The following FRYL variants were observed in gnomAD, a reference collection of about 807,000 sequenced individuals.
The protein encoded by FRYL is protein furry homolog-like.
A neutral mutation model predicts 351.2 loss-of-function variants in FRYL; 150 were observed. The observed-to-expected ratio is 0.43, with a 90% CI of 0.37 to 0.49. FRYL has a LOEUF of 0.49. FRYL is among the 20% of genes least tolerant of loss of function. The pLI is 0.00. For missense variants in FRYL, 3,036 were observed against 3,619.3 expected, an observed-to-expected ratio of 0.84 and a Z score of 4.13; for synonymous variants, 1,153 against 1,257.1, an observed-to-expected ratio of 0.92 and a Z score of 1.75.
At chr4:48,622,692 T>G (rs534997172) in intron 5 of FRYL, among the ~76,000 whole-genome samples, 3 of 152,192 alleles carry the variant, frequency 2.0e-5, no homozygotes, top group Non-Finnish European at 4.4e-5. Flanking sequence ...ACAAAATTGA[T>G]CCAACATTTA....
At chr4:48,767,861 G>A (rs1455447335) in intron 1 of FRYL, among the ~76,000 whole-genome samples, 1 of 152,178 alleles carries the variant, frequency 6.6e-6, no homozygotes, top group Admixed American at 6.6e-5. Flanking sequence ...TCTCCAGTCT[G>A]TAGAGTATCC....
At chr4:48,656,317 CATAATATATACTAAATATATTAT>C (rs1448536720) in intron 3 of FRYL, among the ~76,000 whole-genome samples, 3,235 of 53,904 alleles carry the variant, frequency 0.06, 93 homozygotes, top group Admixed American at 0.13. Flanking sequence ...TTATATATTA[CATAATATATACTAAATATATTAT>C]ATAATATATA....
intron 4 of FRYL, among the ~76,000 whole-genome samples, chr4:48,632,464 A>T (rs1578439397): frequency 2.0e-5 from 3 of 150,838 alleles, no homozygotes; most frequent in Admixed American, 1.3e-4. Context: ...TAGTTTAAGC[A>T]TATCTATAAT....
intron 7 of FRYL, among the ~76,000 whole-genome samples, chr4:48,613,078 T>C (rs1748579857): frequency 6.6e-6 from 1 of 152,236 alleles, no homozygotes; most frequent in Non-Finnish European, 1.5e-5. Flanking sequence ...TATTCACATA[T>C]ACATAATGAA....
chr4:48,530,164 C>T (rs546283629), intron 50 of FRYL, among the ~76,000 whole-genome samples: 1 of 152,094 alleles, frequency 6.6e-6, no homozygotes, highest in East Asian at 1.9e-4. Flanking sequence ...GAACTCATTG[C>T]CCCCTCTCCT....
At chr4:48,568,104 A>G (rs1258013428) in intron 27 of FRYL, among the ~76,000 whole-genome samples, 1 of 152,216 alleles carries the variant, frequency 6.6e-6, no homozygotes, top group Non-Finnish European at 1.5e-5. Flanking sequence ...ATCTCTACAA[A>G]AAATACAAAA....
intron 7 of FRYL, among the ~76,000 whole-genome samples, chr4:48,612,285 G>A (rs559453471): frequency 3.3e-5 from 5 of 151,000 alleles, no homozygotes; most frequent in African/African-American, 4.9e-5. Flanking sequence ...TATTTTCTTC[G>A]AGGCATCCAT....
At chr4:48,758,423 T>C (rs1578945758) in intron 1 of FRYL, among the ~76,000 whole-genome samples, 1 of 152,066 alleles carries the variant, frequency 6.6e-6, no homozygotes, top group East Asian at 1.9e-4. Flanking sequence ...GGGCAAAGGA[T>C]ATGAACAGAC....
chr4:48,615,508 C>T (rs1356569465), intron 7 of FRYL, among the ~76,000 whole-genome samples: 1 of 152,148 alleles, frequency 6.6e-6, no homozygotes, highest in South Asian at 2.1e-4. Flanking sequence ...AAGAGTATTG[C>T]TTCAAACTTT....
Position 48,549,750 on chromosome 4 carries a change from CA to C in FRYL, c.4634-128del. The C allele has an allele frequency of 1.4e-6, 1 of 704,906 alleles. No individual in the cohort carries two copies. The highest frequency in any genetic ancestry group is 2.2e-6 in the Non-Finnish European group (1 of 447,022). The allele number at this position is 704,906 out of a possible 1,614,324, so 43.7% of individuals were successfully genotyped here. Reference sequence around the variant, plus strand: ...TAAAAAAAATTTCCCACTATTTCAACATGTTTGCTAGGAAAATCTAGGCACA... The same window carrying C: ...TAAAAAAAATTTCCCACTATTTCAACTGTTTGCTAGGAAAATCTAGGCACA... On this transcript the variant is annotated intron_variant, in intron 38 of 63. Coordinates refer to ENST00000358350, the MANE Select transcript of FRYL (RefSeq NM_015030.2). The surrounding 1 kb of genome is among the most constrained non-coding windows in gnomAD (Gnocchi z 4.2).
intron 3 of FRYL, among the ~76,000 whole-genome samples, chr4:48,674,547 C>T (rs186383697): frequency 2.3e-3 from 350 of 151,832 alleles, no homozygotes; most frequent in African/African-American, 8.1e-3. Context: ...ACCATCCTGG[C>T]GAACACGGTG....
chr4:48,633,912 C>G (rs1208016688), intron 4 of FRYL, among the ~76,000 whole-genome samples: 3 of 152,138 alleles, frequency 2.0e-5, no homozygotes, highest in Admixed American at 1.3e-4. Context: ...CTCTTCCCTC[C>G]TCCTCATCAT....
chr4:48,602,816 A>AT (rs1281377144), intron 12 of FRYL, among the ~76,000 whole-genome samples: 3 of 152,208 alleles, frequency 2.0e-5, no homozygotes, highest in Non-Finnish European at 4.4e-5. Context: ...AGGTTACAAC[A>AT]TATTTTTACT....
At chr4:48,572,050 A>T in intron 26 of FRYL, 1 of 931,654 alleles carries the variant, frequency 1.1e-6, no homozygotes. Flanking sequence ...ACAGTGCTGA[A>T]TTAAAGGAGA....
intron 18 of FRYL, among the ~76,000 whole-genome samples, chr4:48,587,105 T>G (rs1278546751): frequency 6.6e-6 from 1 of 152,010 alleles, no homozygotes. Flanking sequence ...ATTAAATAAC[T>G]AAATACTGGT....
At chr4:48,588,223 G>A (rs979417434) in intron 18 of FRYL, among the ~76,000 whole-genome samples, 2 of 152,156 alleles carry the variant, frequency 1.3e-5, no homozygotes, top group Non-Finnish European at 2.9e-5. Context: ...TCAAAAGAGG[G>A]TATTGGCTAA....
Position 48,552,160 on chromosome 4 carries a change from C to A in FRYL, c.4436-582G>T, listed in dbSNP as rs1009079184. Among the ~76,000 whole-genome samples, 9 of 152,164 alleles carry A rather than the reference C, an allele frequency of 5.9e-5. No individual in the cohort carries two copies. In the South Asian group the frequency reaches 1.0e-3, roughly 18 times the overall value. ...GCTAAAATTTGAGACTGCACCCCCC[C>A]CAACATCCTTCTTACCCCACTGGGC... On this transcript the variant is annotated intron_variant, in intron 36 of 63. Coordinates refer to ENST00000358350, the MANE Select transcript of FRYL (RefSeq NM_015030.2).
chr4:48,601,575 C>G (rs553975793), intron 13 of FRYL, among the ~76,000 whole-genome samples: 1 of 152,136 alleles, frequency 6.6e-6, no homozygotes, highest in African/African-American at 2.4e-5. Flanking sequence ...CCAGTACCAA[C>G]TTTTAGATAT....
At chr4:48,523,781 C>T (rs1725390283) in intron 53 of FRYL, among the ~76,000 whole-genome samples, 1 of 152,214 alleles carries the variant, frequency 6.6e-6, no homozygotes, top group Non-Finnish European at 1.5e-5. Flanking sequence ...AGGTTTAATA[C>T]TTAGTACAAT....
Sources: gnomAD v4.1 joint callset for allele counts (sites outside exome capture counted in the v4.1 genomes callset) on GRCh38, gnomAD v4.1.1 for gene constraint, Gnocchi (gnomAD v3.1) non-coding constraint, MANE v1.5 for transcripts, NCBI Gene and HGNC (gene_info 2026-07-23, HGNC 2026-07-21) for gene names.